NR3C2: variants seen among roughly 807,000 people sequenced by gnomAD.
The protein encoded by NR3C2 is nuclear receptor subfamily 3 group C member 2.
A neutral mutation model predicts 86.4 loss-of-function variants in NR3C2; 15 were observed. The ratio of observed to expected loss-of-function variants is 0.17; its 90% CI spans 0.12 to 0.27. The LOEUF (loss-of-function observed/expected upper bound fraction) is 0.27, where lower values mean the gene tolerates loss of function less well. Among genes scored for constraint, NR3C2 ranks in the 10% least tolerant of loss-of-function variants. The probability of loss-of-function intolerance (pLI) is 1.00; values close to 1 mark genes in which losing one functional copy is unlikely to be tolerated. For synonymous variants in NR3C2, 458 were observed against 450.5 expected, an observed-to-expected ratio of 1.02 and a Z score of -0.21; for missense variants, 960 against 1,195.6, an observed-to-expected ratio of 0.80 and a Z score of 2.91.
intron 2 of NR3C2, among the ~76,000 whole-genome samples, chr4:148,328,044 C>A (rs1426733736): frequency 7.2e-6 from 1 of 138,162 alleles, no homozygotes; most frequent in Non-Finnish European, 1.5e-5. Flanking sequence ...AACAGAGGGC[C>A]CCAGGAGCTC....
chr4:148,254,143 A>G (rs752816658), intron 3 of NR3C2, among the ~76,000 whole-genome samples: 22 of 152,188 alleles, frequency 1.4e-4, no homozygotes, highest in Non-Finnish European at 3.1e-4. Context: ...TTCTAGCTCA[A>G]GTGATGAAAA....
chr4:148,323,851 C>A (rs932834264), intron 2 of NR3C2, among the ~76,000 whole-genome samples: 1 of 140,908 alleles, frequency 7.1e-6, no homozygotes, highest in Admixed American at 7.0e-5. Flanking sequence ...GCGTCGCTCA[C>A]GCTGGGAGCT....
intron 2 of NR3C2, among the ~76,000 whole-genome samples, chr4:148,369,639 A>C (rs1746316670): frequency 6.6e-6 from 1 of 152,202 alleles, no homozygotes. Flanking sequence ...GTTTCTCTTC[A>C]TTTTAAAGTA....
intron 6 of NR3C2, among the ~76,000 whole-genome samples, chr4:148,123,586 GTGA>G (rs911376704): frequency 2.6e-5 from 4 of 152,196 alleles, no homozygotes; most frequent in Non-Finnish European, 4.4e-5. Context: ...CTACCGATAT[GTGA>G]TGCCACCCCC....
intron 2 of NR3C2, among the ~76,000 whole-genome samples, chr4:148,287,438 A>G (rs1741581942): frequency 6.6e-6 from 1 of 152,172 alleles, no homozygotes; most frequent in African/African-American, 2.4e-5. Context: ...TTAGATTTAT[A>G]TAATTAACCA....
At chr4:148,253,058 A>T (rs1391999846) in intron 3 of NR3C2, among the ~76,000 whole-genome samples, 1 of 152,208 alleles carries the variant, frequency 6.6e-6, no homozygotes, top group Non-Finnish European at 1.5e-5. Flanking sequence ...TGGCTCACAC[A>T]TCCCTATTTC....
rs141823655 is a variant in NR3C2, at chr4:148,123,580, C to T, written c.2511-3292G>A. Among the ~76,000 whole-genome samples the T allele has an allele frequency of 2.9e-3, 444 of 152,298 alleles. 2 individuals carry two copies. Among genetic ancestry groups the T allele is most frequent in the Middle Eastern group, 0.017 (5 of 294 alleles). The stretch of plus-strand genomic sequence containing the variant: ...GCTCAGGTGGGCATCATGATCCTAC[C>T]GATATGTGATGCCACCCCCAGTGGC... On this transcript the variant is annotated intron_variant, in intron 6 of 8. Transcript: ENST00000358102.
At chr4:148,192,668 G>T (rs890576984) in intron 4 of NR3C2, among the ~76,000 whole-genome samples, 2 of 151,874 alleles carry the variant, frequency 1.3e-5, no homozygotes, top group African/African-American at 4.8e-5. Flanking sequence ...CTGCTGTGGG[G>T]GGTGGGGTCG....
intron 8 of NR3C2, among the ~76,000 whole-genome samples, chr4:148,082,877 G>A (rs1351382755): frequency 6.6e-6 from 1 of 152,064 alleles, no homozygotes. Context: ...GCTCGAGCTT[G>A]GTGGGGGAAG....
intron 6 of NR3C2, among the ~76,000 whole-genome samples, chr4:148,145,965 A>G: frequency 6.6e-6 from 1 of 152,080 alleles, no homozygotes; most frequent in South Asian, 2.1e-4. Flanking sequence ...AAAAGAAACG[A>G]AGGAGCAGGG....
chr4:148,374,233 A>G (rs1329522931), intron 2 of NR3C2, among the ~76,000 whole-genome samples: 3 of 152,244 alleles, frequency 2.0e-5, no homozygotes, highest in Non-Finnish European at 4.4e-5. Flanking sequence ...GCAACACTCT[A>G]CACCTACATT....
intron 2 of NR3C2, among the ~76,000 whole-genome samples, chr4:148,379,089 TAAC>T (rs1746826381): frequency 6.6e-6 from 1 of 152,084 alleles, no homozygotes; most frequent in African/African-American, 2.4e-5. Context: ...AAGACAACAC[TAAC>T]AAGAGATTAA....
rs575023415 is a variant in NR3C2, at chr4:148,151,851, T to C, written c.2510+618A>G. Among the ~76,000 whole-genome samples the C allele has an allele frequency of 5.9e-5, 9 of 152,318 alleles. No individual in the cohort carries two copies. In the East Asian group the frequency reaches 1.3e-3, roughly 23 times the overall value. ...ATAAATAAAATGTGCTAATGAGGAA[T>C]GCAAACAGTATTAAAATGTAAACTT... On this transcript the variant is annotated intron_variant, in intron 6 of 8. Transcript: ENST00000358102.
chr4:148,382,272 A>T (rs61763850), intron 2 of NR3C2, among the ~76,000 whole-genome samples: 4 of 152,274 alleles, frequency 2.6e-5, no homozygotes, highest in African/African-American at 4.8e-5. Flanking sequence ...TCATTCACTC[A>T]TTCAACATTT....
intron 2 of NR3C2, among the ~76,000 whole-genome samples, chr4:148,364,313 A>C (rs1746000885): frequency 2.0e-5 from 3 of 152,210 alleles, no homozygotes; most frequent in Admixed American, 2.0e-4. Context: ...CCTGACTGAC[A>C]CACTGCTTTA....
At chr4:148,141,438 CCT>C (rs1173984929) in intron 6 of NR3C2, among the ~76,000 whole-genome samples, 10 of 122,544 alleles carry the variant, frequency 8.2e-5, no homozygotes, top group African/African-American at 1.4e-4. Flanking sequence ...TCTCTCTCTC[CCT>C]CTCTCTCACA....
intron 6 of NR3C2, among the ~76,000 whole-genome samples, chr4:148,136,077 C>CA (rs1213471911): frequency 0.026 from 762 of 28,794 alleles, 22 homozygotes; most frequent in East Asian, 0.078. Context: ...AAAAAAAAAA[C>CA]AAAAAAAAAA....
chr4:148,127,341 G>A (rs112363512), intron 6 of NR3C2, among the ~76,000 whole-genome samples: 4,887 of 152,106 alleles, frequency 0.032, 271 homozygotes, highest in African/African-American at 0.11. Context: ...TTGCAATATC[G>A]CTTTACAGAA....
rs1173902626 is a variant in NR3C2, at chr4:148,436,515, C to T, written c.346G>A (p.Asp116Asn). ...TGGTTCTGCTGCTCATAGGAATAGT[C>T]AGCATCTCTTACAGAATCCATATAT... ...GLYMDSVRDADYSYEQQNQQG... is the reference protein window; with the variant it reads ...GLYMDSVRDANYSYEQQNQQG... Residue 116 changes from aspartate (D) to asparagine (N), a missense_variant, in exon 2 of 9, where the codon GAC (aspartate) becomes AAC (asparagine). Asp to Asn is a conservative substitution (Grantham distance 23). Transcript: ENST00000358102. 10 of 1,614,186 alleles carry T rather than the reference C, an allele frequency of 6.2e-6. No homozygotes were observed. Among genetic ancestry groups the T allele is most frequent in the Non-Finnish European group, 8.5e-6 (10 of 1,180,034 alleles).
Sources: allele counts gnomAD v4.1 joint callset (sites outside exome capture counted in the v4.1 genomes callset), GRCh38; gene constraint gnomAD v4.1.1; transcripts MANE v1.5; gene names NCBI Gene and HGNC (gene_info 2026-07-23, HGNC 2026-07-21).